TTC7B: variants seen among roughly 807,000 people sequenced by gnomAD.
TTC7B encodes the protein tetratricopeptide repeat protein 7B.
A neutral mutation model predicts 106.8 loss-of-function variants in TTC7B; 28 were observed. That is an observed-to-expected ratio of 0.26 (90% CI 0.19 to 0.36). The LOEUF is 0.36. TTC7B is among the 10% of genes least tolerant of loss of function. TTC7B has a pLI of 1.00. For missense variants in TTC7B, 862 were observed against 1,076.4 expected (o/e 0.80, Z 2.79); for synonymous variants, 405 against 430.6 (o/e 0.94, Z 0.74).
chr14:90,814,015 G>T (rs2031043631), intron 1 of TTC7B, among the ~76,000 whole-genome samples: 1 of 152,188 alleles, frequency 6.6e-6, no homozygotes, highest in Non-Finnish European at 1.5e-5. Context: ...CACTCACTCT[G>T]TCTGATCTTT....
chr14:90,721,797 A>G (rs879876669), intron 5 of TTC7B, among the ~76,000 whole-genome samples: 9 of 152,202 alleles, frequency 5.9e-5, no homozygotes, highest in Non-Finnish European at 8.8e-5. Context: ...AATGATACAT[A>G]AACTCCATAA....
At chr14:90,713,651 A>G (rs1187002905) in intron 5 of TTC7B, among the ~76,000 whole-genome samples, 1 of 152,186 alleles carries the variant, frequency 6.6e-6, no homozygotes, top group Non-Finnish European at 1.5e-5. Flanking sequence ...GTGAAACACA[A>G]ACTTACCATA....
intron 3 of TTC7B, among the ~76,000 whole-genome samples, chr14:90,745,383 A>G (rs1291957111): frequency 6.6e-6 from 1 of 152,044 alleles, no homozygotes; most frequent in African/African-American, 2.4e-5. Context: ...GGGAGAAAGC[A>G]TTCAGTCAGA....
At position 90,815,841 on chromosome 14, in the gene TTC7B, G is replaced by T. The variant is rs193074723; in HGVS notation, c.121+334C>A. On this transcript the variant is annotated intron_variant, in intron 1 of 19. Coordinates refer to ENST00000328459, the MANE Select transcript of TTC7B (RefSeq NM_001010854.2). ...CCCCATCACCTCCAACTTCTTGGAA[G>T]CCCCAGGCCGGCCCCTGACCTCCTG... Among the ~76,000 whole-genome samples, 8 of 152,176 alleles carry T rather than the reference G, an allele frequency of 5.3e-5. No homozygotes were observed. The East Asian group carries it at 1.6e-3, about 30-fold the overall frequency.
chr14:90,766,016 T>C (rs1451322303), intron 3 of TTC7B, among the ~76,000 whole-genome samples: 2 of 151,944 alleles, frequency 1.3e-5, no homozygotes, highest in South Asian at 4.1e-4. Context: ...ACTACATACA[T>C]GGGGAAAATT....
Position 90,532,882 on chromosome 14 carries a change from G to C in TTC7B, c.*8486C>G, listed in dbSNP as rs1160307654. ...TTTCCTGGTAGCTGTGCCTTCCTGG[G>C]TACTGCTGAATGGCAGGCTAAGCTC... On this transcript the variant is annotated 3_prime_UTR_variant, in exon 20 of 20. Transcript: ENST00000328459. 2 of 152,296 alleles carry C rather than the reference G, an allele frequency of 1.3e-5. No individual in the cohort carries two copies. The highest frequency in any genetic ancestry group is 4.8e-5 in the African/African-American group (2 of 41,442). 9.4% of individuals were successfully genotyped at this position (152,296 alleles called of 1,614,324 possible). A position where few individuals can be genotyped will look rare whatever the true frequency, so the allele number is the denominator to read the frequency against.
At position 90,808,165 on chromosome 14, in the gene TTC7B, G is replaced by T. The variant is rs1312198828; in HGVS notation, c.121+8010C>A. On this transcript the variant is annotated intron_variant, in intron 1 of 19. Transcript: ENST00000328459. This position sits in a 1 kb window ranked among gnomAD's most constrained non-coding sequence, Gnocchi z 4.2. Reference sequence around the variant, plus strand: ...CTGGCACACAAGAGAGACGCAAGAGGCTGGGCACAGTGGCTCACGCCTGTA... The same window carrying T: ...CTGGCACACAAGAGAGACGCAAGAGTCTGGGCACAGTGGCTCACGCCTGTA... 6.6e-6 allele frequency among the ~76,000 whole-genome samples: 1 copy of T among 152,214 alleles called. No individual in the cohort carries two copies.
At chr14:90,786,587 T>A (rs1258118882) in intron 1 of TTC7B, among the ~76,000 whole-genome samples, 1 of 150,414 alleles carries the variant, frequency 6.6e-6, no homozygotes, top group East Asian at 1.9e-4. Flanking sequence ...AGTAGATACT[T>A]TTTTTTTTTG....
chr14:90,550,675 C>G lies in TTC7B; in HGVS notation c.2311-9086G>C, dbSNP rs74898843. 7.8e-3 allele frequency among the ~76,000 whole-genome samples: 1,188 copies of G among 152,272 alleles called. 58 individuals carry two copies. In the East Asian group the frequency reaches 0.16, roughly 21 times the overall value. On this transcript the variant is annotated intron_variant, in intron 19 of 19. Coordinates refer to ENST00000328459, the MANE Select transcript of TTC7B (RefSeq NM_001010854.2). ...ACTCCGAGAGGAGGGGGGGCCCTTC[C>G]GTGATGCCAGTAGTTGGCTGACTCT...
At chr14:90,799,893 G>A (rs1358809034) in intron 1 of TTC7B, among the ~76,000 whole-genome samples, 4 of 152,012 alleles carry the variant, frequency 2.6e-5, no homozygotes, top group African/African-American at 7.2e-5. Context: ...GCAGTGGCAC[G>A]ATCTCGGCTC....
chr14:90,781,800 T>C (rs1045859112), intron 2 of TTC7B, among the ~76,000 whole-genome samples: 1 of 152,194 alleles, frequency 6.6e-6, no homozygotes, highest in Admixed American at 6.5e-5. Context: ...AAGTTCTCTG[T>C]GGGCCCCCCT....
At chr14:90,566,871 A>T (rs1890821581) in intron 19 of TTC7B, among the ~76,000 whole-genome samples, 1 of 152,122 alleles carries the variant, frequency 6.6e-6, no homozygotes, top group African/African-American at 2.4e-5. Flanking sequence ...GGTTTGTTCC[A>T]TTCTCTCCTT....
rs570687733 is a variant in TTC7B, at chr14:90,706,038, T to A, written c.699-10460A>T. On this transcript the variant is annotated intron_variant, in intron 5 of 19. Transcript: ENST00000328459. ...TCCCTTTGGCAAGACTTCAGCAGTG[T>A]TGTGCTCTTGTTCTGACATTAGCAG... Among the ~76,000 whole-genome samples, 298 of 152,348 alleles carry A rather than the reference T, an allele frequency of 2.0e-3. 1 individual carries two copies. The highest frequency in any genetic ancestry group is 6.7e-3 in the African/African-American group (280 of 41,576).
intron 17 of TTC7B, among the ~76,000 whole-genome samples, chr14:90,594,831 A>T (rs963625545): frequency 6.6e-6 from 1 of 152,230 alleles, no homozygotes; most frequent in African/African-American, 2.4e-5. Context: ...TATTCACGGC[A>T]ATAGATGCGC....
chr14:90,698,107 C>T (rs201057990), intron 5 of TTC7B: 2 of 152,294 alleles, frequency 1.3e-5, no homozygotes, highest in East Asian at 3.9e-4. Flanking sequence ...TTAAAGTGCC[C>T]AAATGTAAAA....
intron 1 of TTC7B, among the ~76,000 whole-genome samples, chr14:90,788,328 A>C (rs1483650268): frequency 6.6e-6 from 1 of 152,166 alleles, no homozygotes; most frequent in East Asian, 1.9e-4. Flanking sequence ...TCCCAGACAC[A>C]CAAGCCCTTC....
intron 1 of TTC7B, among the ~76,000 whole-genome samples, chr14:90,811,019 G>T (rs1441140234): frequency 5.9e-5 from 9 of 152,180 alleles, no homozygotes; most frequent in Non-Finnish European, 1.5e-5. Context: ...CAAGCAGATG[G>T]ATGAGGCTGA....
chr14:90,542,470 A>G (rs1889642169), intron 19 of TTC7B, among the ~76,000 whole-genome samples: 1 of 151,918 alleles, frequency 6.6e-6, no homozygotes, highest in Non-Finnish European at 1.5e-5. Flanking sequence ...GCACCTCTAT[A>G]AGCGATGCGT....
In TTC7B at chr14:90,754,121, G is replaced by A. The variant is rs145969712; in HGVS notation, c.446-9199C>T. ...AGGGAACCCTGTGTGAAAACCCTAC[G>A]AGGGGGGATTTACTAAAATCTCCAC... On this transcript the variant is annotated intron_variant, in intron 3 of 19. Coordinates refer to ENST00000328459, the MANE Select transcript of TTC7B (RefSeq NM_001010854.2). Among the ~76,000 whole-genome samples, 29 of 152,262 alleles carry A rather than the reference G, an allele frequency of 1.9e-4. 1 individual carries two copies. In the East Asian group the frequency reaches 3.5e-3, roughly 18 times the overall value.
Sources: gnomAD v4.1 joint callset for allele counts (sites outside exome capture counted in the v4.1 genomes callset) on GRCh38, gnomAD v4.1.1 for gene constraint, Gnocchi (gnomAD v3.1) non-coding constraint, MANE v1.5 for transcripts, NCBI Gene and HGNC (gene_info 2026-07-23, HGNC 2026-07-21) for gene names.